The following FBXO25 variants were observed in gnomAD, a reference collection of about 807,000 sequenced individuals.
The protein encoded by FBXO25 is F-box protein 25.
Under a neutral mutation model 51.9 loss-of-function variants are expected in FBXO25, and 45 were observed. The ratio of observed to expected loss-of-function variants is 0.87; its 90% confidence interval spans 0.68 to 1.11. The LOEUF is 1.11. Among genes scored for constraint, FBXO25 ranks in the 50% most tolerant of loss-of-function variants. FBXO25 has a pLI of 0.00. For synonymous variants in FBXO25, 199 were observed against 151.0 expected (o/e 1.32, Z -2.33); for missense variants, 507 against 428.5 (o/e 1.18, Z -1.62).
chr8:442,727 C>T (rs1421370131), intron 5 of FBXO25, among the ~76,000 whole-genome samples: 1 of 152,144 alleles, frequency 6.6e-6, no homozygotes, highest in Non-Finnish European at 1.5e-5. Flanking sequence ...GCCTCGGCCT[C>T]CCAAAGTGCT....
intron 9 of FBXO25, among the ~76,000 whole-genome samples, chr8:465,868 A>T (rs79036474): frequency 6.6e-6 from 1 of 152,212 alleles, no homozygotes; most frequent in African/African-American, 2.4e-5. Flanking sequence ...TGATTTTTTT[A>T]AATTGAGAGA....
intron 2 of FBXO25, among the ~76,000 whole-genome samples, chr8:425,891 C>T (rs1182998860): frequency 5.4e-5 from 7 of 129,228 alleles, no homozygotes; most frequent in Admixed American, 5.0e-4. Context: ...CTTTCTTCCT[C>T]CTTTTTTTTT....
In FBXO25 at chr8:458,058, G is replaced by A. The variant is rs564439481; in HGVS notation, c.661-311G>A. 5.3e-5 allele frequency among the ~76,000 whole-genome samples: 8 copies of A among 152,304 alleles called. No homozygotes were observed. In the East Asian group the frequency reaches 1.2e-3, roughly 22 times the overall value. On this transcript the variant is annotated intron_variant, in intron 7 of 9. Coordinates refer to ENST00000350302, the MANE Select transcript of FBXO25 (RefSeq NM_183420.2). ...ACAGACGCTGCCCTTCTCCAGGTGC[G>A]TCTTGATGCAGTAGAGGAGTACTGA...
chr8:410,168 A>T (rs189400899), intron 1 of FBXO25, among the ~76,000 whole-genome samples: 35 of 152,286 alleles, frequency 2.3e-4, no homozygotes, highest in African/African-American at 8.2e-4. Context: ...CTTTACCACA[A>T]GTTACAAGAT....
intron 2 of FBXO25, among the ~76,000 whole-genome samples, chr8:429,654 A>G (rs1248486245): frequency 6.6e-6 from 1 of 152,214 alleles, no homozygotes; most frequent in African/African-American, 2.4e-5. Context: ...ACCCACAACC[A>G]AAAAGTAATG....
At chr8:420,779 T>G (rs1469194012) in intron 2 of FBXO25, among the ~76,000 whole-genome samples, 2 of 151,482 alleles carry the variant, frequency 1.3e-5, no homozygotes, top group African/African-American at 2.4e-5. Context: ...GGGTTAAGAG[T>G]TGGGGAAAAG....
At chr8:436,376 G>C (rs112830126) in intron 5 of FBXO25, among the ~76,000 whole-genome samples, 2,579 of 152,304 alleles carry the variant, frequency 0.017, 62 homozygotes, top group African/African-American at 0.059. Context: ...GGTTCTGTGA[G>C]ACATTGGAAA....
intron 9 of FBXO25, among the ~76,000 whole-genome samples, chr8:463,801 G>C (rs1216150613): frequency 6.6e-6 from 1 of 152,078 alleles, no homozygotes; most frequent in African/African-American, 2.4e-5. Context: ...AGAGGTAACT[G>C]CTTATTTCTT....
At chr8:467,625 C>T in intron 9 of FBXO25, 1 of 1,222,964 alleles carries the variant, frequency 8.2e-7, no homozygotes, top group Non-Finnish European at 1.2e-6. Flanking sequence ...AACCTGAATG[C>T]TTAGATACAC....
chr8:407,573 G>A (rs1796235834), intron 1 of FBXO25, among the ~76,000 whole-genome samples: 1 of 151,876 alleles, frequency 6.6e-6, no homozygotes, highest in Non-Finnish European at 1.5e-5. Flanking sequence ...CTCCTGGGCC[G>A]TCTTGCAGGC....
intron 9 of FBXO25, chr8:467,779 C>G (rs183654675): frequency 1.2e-6 from 2 of 1,613,150 alleles, no homozygotes; most frequent in South Asian, 1.1e-5. Context: ...ATCCTGTGTT[C>G]GGGATGAAAA....
At chr8:410,662 T>A (rs1235649335) in intron 1 of FBXO25, among the ~76,000 whole-genome samples, 1 of 152,210 alleles carries the variant, frequency 6.6e-6, no homozygotes, top group Non-Finnish European at 1.5e-5. Context: ...TAGATAACTT[T>A]AGGTCGACTG....
Position 451,393 on chromosome 8 carries a change from T to A in FBXO25, c.600T>A (p.Ile200=), listed in dbSNP as rs769666062. The A allele has an allele frequency of 3.7e-6, 6 of 1,614,058 alleles. No homozygotes were observed. Among genetic ancestry groups the A allele is most frequent in the Middle Eastern group, 1.7e-4 (1 of 6,058 alleles). ...SVLVGNINIW[I]CRLETILAWQ... is the part of the protein sequence containing the mutation. ...TAGTGGGAAACATCAATATTTGGAT[T>A]TGCCGATTAGAAACTATTCTCGCCT... Residue 200 remains isoleucine (I), a synonymous_variant, in exon 7 of 10, where the codon ATT becomes ATA. Coordinates refer to ENST00000350302, the MANE Select transcript of FBXO25 (RefSeq NM_183420.2).
chr8:416,755 A>T (rs1347115714), intron 2 of FBXO25, among the ~76,000 whole-genome samples: 4 of 152,202 alleles, frequency 2.6e-5, no homozygotes, highest in African/African-American at 9.7e-5. Context: ...AGTCCACAAT[A>T]TATTAAGGAT....
intron 1 of FBXO25, among the ~76,000 whole-genome samples, chr8:412,595 C>G (rs942004948): frequency 2.0e-4 from 30 of 152,332 alleles, no homozygotes; most frequent in African/African-American, 5.5e-4. Context: ...TCCAACTCCT[C>G]TAACTTGATC....
chr8:430,676 G>A (rs1171895778), intron 2 of FBXO25, among the ~76,000 whole-genome samples: 1 of 152,148 alleles, frequency 6.6e-6, no homozygotes, highest in African/African-American at 2.4e-5. Flanking sequence ...TTAGTTTTGA[G>A]GATGTGGATT....
chr8:433,855 A>G (rs1006332156), intron 4 of FBXO25, among the ~76,000 whole-genome samples: 1 of 152,210 alleles, frequency 6.6e-6, no homozygotes, highest in East Asian at 1.9e-4. Context: ...CTGTTTGGTT[A>G]TGGTTAGTGG....
chr8:433,409 G>C (rs1797929648), intron 4 of FBXO25, among the ~76,000 whole-genome samples: 3 of 152,136 alleles, frequency 2.0e-5, no homozygotes, highest in African/African-American at 7.2e-5. Flanking sequence ...AACCCCTGAT[G>C]CTGATGGGAA....
intron 5 of FBXO25, among the ~76,000 whole-genome samples, chr8:439,178 AT>A (rs1286934309): frequency 6.6e-6 from 1 of 152,146 alleles, no homozygotes; most frequent in Admixed American, 6.5e-5. Context: ...GTTTTTACAC[AT>A]TTGTTATCAT....
Sources: allele counts gnomAD v4.1 joint callset (sites outside exome capture counted in the v4.1 genomes callset), GRCh38; gene constraint gnomAD v4.1.1; transcripts MANE v1.5; gene names NCBI Gene and HGNC (gene_info 2026-07-23, HGNC 2026-07-21).